Variants in SYT3 observed in about 807,000 individuals in gnomAD.
SYT3 encodes synaptotagmin-3.
A neutral mutation model predicts 50.6 loss-of-function variants in SYT3; 25 were observed. The ratio of observed to expected loss-of-function variants is 0.49; its 90% CI spans 0.36 to 0.69. The LOEUF is 0.69. Ranked by LOEUF, SYT3 falls within the 30% of genes least tolerant of loss-of-function variation. The pLI, the probability that SYT3 is intolerant of heterozygous loss-of-function variation, is 0.00. For synonymous variants in SYT3, 323 were observed against 353.9 expected, an observed-to-expected ratio of 0.91 and a Z score of 0.98; for missense variants, 589 against 793.6, an observed-to-expected ratio of 0.74 and a Z score of 3.10.
intron 6 of SYT3, among the ~76,000 whole-genome samples, chr19:50,627,968 T>A (rs1420766920): frequency 6.6e-6 from 1 of 152,154 alleles, no homozygotes; most frequent in African/African-American, 2.4e-5. Flanking sequence ...TCTCAAAGGC[T>A]GGGCTTGGGG....
At chr19:50,644,019 G>A (rs1984721665), upstream of SYT3, among the ~76,000 whole-genome samples, 1 of 152,174 alleles carries the variant, frequency 6.6e-6, no homozygotes, top group African/African-American at 2.4e-5. Flanking sequence ...TGTAAGACCT[G>A]GGGGCAGGAG....
intron 3 of SYT3, among the ~76,000 whole-genome samples, chr19:50,634,317 T>G (rs1984422298): frequency 6.6e-6 from 1 of 152,216 alleles, no homozygotes; most frequent in African/African-American, 2.4e-5. Flanking sequence ...CAAGGACAGC[T>G]GAGTGGAATG....
chr19:50,633,940 T>C (rs1365331459), intron 3 of SYT3, among the ~76,000 whole-genome samples: 1 of 152,182 alleles, frequency 6.6e-6, no homozygotes, highest in Admixed American at 6.5e-5. Flanking sequence ...TATGATGCTA[T>C]CACACCTCAA....
At chr19:50,648,572 C>T in the SYT3 span, among the ~76,000 whole-genome samples, 73 of 127,178 alleles carry the variant, frequency 5.7e-4, no homozygotes, top group Middle Eastern at 7.0e-3. Context: ...CTCTCTAGCA[C>T]GAGAGGCCCC....
At chr19:50,656,387 G>A in the SYT3 span, 1 of 1,509,332 alleles carries the variant, frequency 6.6e-7, no homozygotes, top group East Asian at 2.5e-5. Context: ...CAGTTTTGGT[G>A]GGGTGATGGG....
At chr19:50,650,721 C>T in the SYT3 span, among the ~76,000 whole-genome samples, 121 of 152,330 alleles carry the variant, frequency 7.9e-4, no homozygotes, top group East Asian at 0.019. Context: ...AACCAAAACT[C>T]ACTGCAGCCT....
chr19:50,625,747 AG>A lies in SYT3; in HGVS notation c.1402+149del. ...CCTCCTCTCTCCGACCCAGGAGTCC[AG>A]GCCCCTGGCCCCTCCTCCCTCAGAC... is the stretch of plus-strand genomic sequence containing the variant. On this transcript the variant is annotated intron_variant, in intron 7 of 10. Coordinates refer to ENST00000600079, the MANE Select transcript of SYT3 (RefSeq NM_001160329.2). The surrounding 1 kb of genome is among the most constrained non-coding windows in gnomAD (Gnocchi z 7.5). The A allele has an allele frequency of 1.3e-5, 13 of 1,027,476 alleles. No homozygotes were observed. Among genetic ancestry groups the A allele is most frequent in the Admixed American group, 5.6e-5 (2 of 35,578 alleles). The allele number at this position is 1,027,476 out of a possible 1,614,324, so 63.6% of individuals were successfully genotyped here.
the SYT3 span, among the ~76,000 whole-genome samples, chr19:50,657,052 T>C: frequency 2.2e-4 from 33 of 151,850 alleles, no homozygotes; most frequent in African/African-American, 6.0e-4. Context: ...AAAGAGGTCA[T>C]GTTTTTGACA....
At chr19:50,642,029 T>C (rs1371144775), upstream of SYT3, among the ~76,000 whole-genome samples, 1 of 152,222 alleles carries the variant, frequency 6.6e-6, no homozygotes, top group Non-Finnish European at 1.5e-5. Context: ...TGCCTATGTG[T>C]ACATTTTGCA....
chr19:50,656,070 G>A, the SYT3 span: 23 of 1,536,108 alleles, frequency 1.5e-5, 1 homozygote, highest in South Asian at 2.1e-4. Context: ...TATGGACCTG[G>A]AGACCCCAGA....
At chr19:50,628,116 C>A (rs916330413) in intron 6 of SYT3, among the ~76,000 whole-genome samples, 4 of 152,224 alleles carry the variant, frequency 2.6e-5, no homozygotes, top group South Asian at 2.1e-4. Flanking sequence ...AAGGAAAGAA[C>A]CTTGAGGAGG....
At chr19:50,624,188 C>T (rs905733622) in intron 9 of SYT3, among the ~76,000 whole-genome samples, 2 of 152,178 alleles carry the variant, frequency 1.3e-5, no homozygotes, top group African/African-American at 2.4e-5. Context: ...TAGTCTTAAA[C>T]TCCCAGGCTC....
rs1984519961 is a variant in SYT3 at position 50,637,143 on chromosome 19, A to G, written c.148+121T>C. 3 of 1,230,372 alleles carry G rather than the reference A, an allele frequency of 2.4e-6. No homozygotes were observed. Among genetic ancestry groups the G allele is most frequent in the African/African-American group, 1.5e-5 (1 of 67,286 alleles). 76.2% of individuals were successfully genotyped at this position (1,230,372 alleles called of 1,614,324 possible). ...TGGGAGAAGGGCAGCAGCAGGCAGA[A>G]TGGGGGCAAGACGCTACGAGGGACT... is the stretch of plus-strand genomic sequence containing the variant. On this transcript the variant is annotated intron_variant, in intron 3 of 10. Transcript: ENST00000600079. The surrounding 1 kb of genome is among the most constrained non-coding windows in gnomAD (Gnocchi z 4.9).
At chr19:50,645,316 G>C in the SYT3 span, among the ~76,000 whole-genome samples, 38 of 152,334 alleles carry the variant, frequency 2.5e-4, no homozygotes, top group South Asian at 7.9e-3. Context: ...GAGTAAGGCA[G>C]AGAGACAGGC....
Position 50,625,754 on chromosome 19 carries a change from TGGCCCC to T in SYT3, c.1402+137_1402+142del. ...TCTCCGACCCAGGAGTCCAGGCCCCTGGCCCCTCCTCCCTCAGACCCAGGAGTCCAG... is the reference window on the plus strand; with the variant it reads ...TCTCCGACCCAGGAGTCCAGGCCCCTTCCTCCCTCAGACCCAGGAGTCCAG... On this transcript the variant is annotated intron_variant, in intron 7 of 10. Coordinates refer to ENST00000600079, the MANE Select transcript of SYT3 (RefSeq NM_001160329.2). The surrounding 1 kb of genome is among the most constrained non-coding windows in gnomAD (Gnocchi z 7.5). 17 of 920,116 alleles carry T rather than the reference TGGCCCC, an allele frequency of 1.8e-5. No homozygotes were observed. Among genetic ancestry groups the T allele is most frequent in the South Asian group, 6.6e-5 (4 of 60,548 alleles). The allele number at this position is 920,116 out of a possible 1,614,324, so 57.0% of individuals were successfully genotyped here.
the SYT3 span, among the ~76,000 whole-genome samples, chr19:50,647,870 C>A: frequency 6.6e-6 from 1 of 152,128 alleles, no homozygotes; most frequent in Non-Finnish European, 1.5e-5. Context: ...ATAAAATTGC[C>A]AGCTGGAAAT....
Position 50,632,250 on chromosome 19 carries a change from T to C in SYT3, c.674+36A>G. ...AAGAGACACAGAGGAGGAGCAGAAGTTCAGAGTGGACCCCCAACCCAGTAT... is the reference window on the plus strand; with the variant it reads ...AAGAGACACAGAGGAGGAGCAGAAGCTCAGAGTGGACCCCCAACCCAGTAT... On this transcript the variant is annotated intron_variant, in intron 4 of 10. Transcript: ENST00000600079. This position sits in a 1 kb window ranked among gnomAD's most constrained non-coding sequence, Gnocchi z 4.7. The C allele has an allele frequency of 1.3e-6, 2 of 1,518,856 alleles. No homozygotes were observed. The highest frequency in any genetic ancestry group is 2.1e-5 in the Admixed American group (1 of 47,378). 94.1% of individuals were successfully genotyped at this position (1,518,856 alleles called of 1,614,324 possible).
the SYT3 span, chr19:50,656,161 C>T: frequency 6.5e-7 from 1 of 1,536,154 alleles, no homozygotes; most frequent in Non-Finnish European, 8.7e-7. Flanking sequence ...TATCTTCCGC[C>T]TCCCCAAATG....
intron 3 of SYT3, among the ~76,000 whole-genome samples, chr19:50,634,080 A>C (rs1193380228): frequency 1.3e-5 from 2 of 152,276 alleles, no homozygotes; most frequent in Non-Finnish European, 2.9e-5. Context: ...ATGTGCTGAT[A>C]TGCCTTGCAG....
Sources: allele counts gnomAD v4.1 joint callset (sites outside exome capture counted in the v4.1 genomes callset), GRCh38; gene constraint gnomAD v4.1.1; non-coding constraint Gnocchi (gnomAD v3.1); transcripts MANE v1.5; gene names NCBI Gene and HGNC (gene_info 2026-07-23, HGNC 2026-07-21).